The following HS6ST2 variants were observed in gnomAD, a reference collection of about 807,000 sequenced individuals.
HS6ST2 encodes heparan sulfate 6-O-sulfotransferase 2.
A neutral mutation model predicts 33.0 loss-of-function variants in HS6ST2; 17 were observed. The observed-to-expected ratio is 0.52, with a 90% confidence interval of 0.35 to 0.77. The LOEUF is 0.77. Among genes scored for constraint, HS6ST2 ranks in the 30% least tolerant of loss-of-function variants. The pLI is 0.01. For missense variants in HS6ST2, 519 were observed against 551.7 expected, an observed-to-expected ratio of 0.94 and a Z score of 0.59; for synonymous variants, 248 against 237.1, an observed-to-expected ratio of 1.05 and a Z score of -0.42.
At chrX:132,842,391 C>T (rs1336782467) in intron 2 of HS6ST2, among the ~76,000 whole-genome samples, 1 of 112,345 alleles carries the variant, frequency 8.9e-6, no homozygotes, top group Non-Finnish European at 1.9e-5. Context: ...AATCACCAAA[C>T]AGCTTGTGCG....
At chrX:132,736,821 C>A (rs1313029935) in intron 2 of HS6ST2, among the ~76,000 whole-genome samples, 1 of 111,786 alleles carries the variant, frequency 8.9e-6, no homozygotes, top group African/African-American at 3.3e-5. Flanking sequence ...TATATAAATA[C>A]GAGATTCCTC....
Position 132,628,453 on chromosome X carries a change from AAT to A in HS6ST2, c.1706_1707del (p.His569LeufsTer59). On this transcript the variant is annotated frameshift_variant, in exon 5 of 5. Transcript: ENST00000370833. LOFTEE classifies it high-confidence loss of function. ...CTCTGGCCCTGACCCTGGCTCTGGA[AAT>A]GGGTCTGAAGGAGCCTTCCCTTCAG... ...KFLKGRLLQT[H>X]FQSQGQGQSQ... 9.1e-6 allele frequency: 11 copies of A among 1,210,124 alleles called. No individual in the cohort carries two copies. The highest frequency in any genetic ancestry group is 1.2e-5 in the Non-Finnish European group (11 of 894,728).
At position 132,752,585 on chromosome X, in the gene HS6ST2, T is replaced by C. The variant is rs191449897; in HGVS notation, c.948-44091A>G. On this transcript the variant is annotated intron_variant, in intron 2 of 4. Transcript: ENST00000370833. Reference sequence around the variant, plus strand: ...TTCTCACGCAGACGCTGATCAGAAATGGGATGGTATGCTCTGTGAGTTAGT... The same window carrying C: ...TTCTCACGCAGACGCTGATCAGAAACGGGATGGTATGCTCTGTGAGTTAGT... 2.4e-4 allele frequency among the ~76,000 whole-genome samples: 27 copies of C among 111,127 alleles called. No homozygotes were observed. In the East Asian group the frequency reaches 7.1e-3, roughly 29 times the overall value.
chrX:132,857,591 C>T (rs778072114), intron 2 of HS6ST2, among the ~76,000 whole-genome samples: 2 of 110,493 alleles, frequency 1.8e-5, no homozygotes, highest in East Asian at 2.8e-4. Flanking sequence ...ATTAAAAGTA[C>T]GGAGGTTGAT....
chrX:132,672,311 G>C (rs1465099641), intron 3 of HS6ST2, among the ~76,000 whole-genome samples: 1 of 108,438 alleles, frequency 9.2e-6, no homozygotes, highest in Non-Finnish European at 1.9e-5. Context: ...ATTGGTGGGG[G>C]GGGGTGGGTG....
chrX:132,779,786 C>T (rs2065002460), intron 2 of HS6ST2, among the ~76,000 whole-genome samples: 1 of 109,940 alleles, frequency 9.1e-6, no homozygotes, highest in Non-Finnish European at 1.9e-5. Flanking sequence ...CCTGTTCCTC[C>T]CAATAACCCT....
chrX:132,859,215 G>T (rs1465966759), intron 2 of HS6ST2, among the ~76,000 whole-genome samples: 1 of 111,640 alleles, frequency 9.0e-6, no homozygotes, highest in African/African-American at 3.3e-5. Context: ...AGCTACCCAT[G>T]TAGCTATCTC....
upstream of HS6ST2, among the ~76,000 whole-genome samples, chrX:132,959,282 G>A (rs942292382): frequency 4.5e-5 from 5 of 112,244 alleles, no homozygotes; most frequent in Non-Finnish European, 9.4e-5. Context: ...TGCTGGACCA[G>A]GAATGCAGGG....
chrX:132,891,391 T>A (rs1432378916), intron 2 of HS6ST2, among the ~76,000 whole-genome samples: 2 of 104,507 alleles, frequency 1.9e-5, no homozygotes, highest in African/African-American at 7.1e-5. Flanking sequence ...TTTTTTTTTT[T>A]ATTATTATTC....
intron 2 of HS6ST2, among the ~76,000 whole-genome samples, chrX:132,767,913 C>CT (rs2064864107): frequency 9.0e-6 from 1 of 111,508 alleles, no homozygotes; most frequent in Non-Finnish European, 1.9e-5. Context: ...AAAACAACAC[C>CT]TGGCTCAACA....
intron 2 of HS6ST2, among the ~76,000 whole-genome samples, chrX:132,885,397 T>G (rs1193591594): frequency 9.0e-6 from 1 of 111,407 alleles, no homozygotes; most frequent in Non-Finnish European, 1.9e-5. Flanking sequence ...AGGTAAATTA[T>G]ATCTCAATAA....
chrX:132,628,294 C>T lies in HS6ST2; in HGVS notation c.1867G>A (p.Gly623Ser), dbSNP rs1484504416. ...ENRESPKQNS[G>S]KEQNDNTSNG... ...CTGGTGTTATCATTCTGCTCCTTGC[C>T]TGAGTTCTGCTTCGGGCTTTCCCGG... The change falls in exon 5 of 5, where the codon GGC becomes AGC. Residue 623 changes from glycine (G) to serine (S), a missense_variant. By Grantham distance (56) the Gly-to-Ser change is moderately conservative (BLOSUM62 0). Coordinates refer to ENST00000370833, the MANE Select transcript of HS6ST2 (RefSeq NM_001394073.1). 8.6e-7 allele frequency: 1 copy of T among 1,167,722 alleles called. No homozygotes were observed. Among genetic ancestry groups the T allele is most frequent in the Non-Finnish European group, 1.1e-6 (1 of 872,994 alleles).
At chrX:132,864,868 C>T (rs992791799) in intron 2 of HS6ST2, among the ~76,000 whole-genome samples, 5 of 111,386 alleles carry the variant, frequency 4.5e-5, no homozygotes, top group East Asian at 5.7e-4. Flanking sequence ...AGAAAGGTCG[C>T]GTTACCCATC....
intron 2 of HS6ST2, among the ~76,000 whole-genome samples, chrX:132,726,525 CCATGCAATT>C (rs1411612945): frequency 1.8e-5 from 2 of 111,912 alleles, no homozygotes; most frequent in African/African-American, 6.5e-5. Context: ...AACTCACATA[CCATGCAATT>C]CATCCAATTA....
At chrX:132,886,999 G>C (rs1466833927) in intron 2 of HS6ST2, among the ~76,000 whole-genome samples, 1 of 110,739 alleles carries the variant, frequency 9.0e-6, no homozygotes, top group African/African-American at 3.3e-5. Context: ...GCTGAGCGTA[G>C]TGGCACACAC....
rs563441802 is a variant in HS6ST2, at chrX:132,762,449, A to C, written c.948-53955T>G. 4.4e-3 allele frequency among the ~76,000 whole-genome samples: 499 copies of C among 112,585 alleles called. 2 individuals are homozygous for C. The highest frequency in any genetic ancestry group is 0.013 in the South Asian group (34 of 2,712). On this transcript the variant is annotated intron_variant, in intron 2 of 4. Transcript: ENST00000370833. ...GTAAACTTCAAATTACTTAATAGAC[A>C]GATTTTATTCAGATCCTTTTCAGAA...
chrX:132,939,192 T>C (rs1256239372), intron 2 of HS6ST2, among the ~76,000 whole-genome samples: 3 of 111,821 alleles, frequency 2.7e-5, no homozygotes, highest in Admixed American at 9.6e-5. Context: ...ACATTAGGGA[T>C]TACATTTCAA....
intron 2 of HS6ST2, among the ~76,000 whole-genome samples, chrX:132,943,433 A>G (rs773195569): frequency 9.0e-6 from 1 of 111,661 alleles, no homozygotes; most frequent in East Asian, 2.8e-4. Context: ...CAGACGTACA[A>G]AGAGGAGCTG....
At chrX:132,683,236 T>C (rs1204343108) in intron 3 of HS6ST2, among the ~76,000 whole-genome samples, 1 of 112,167 alleles carries the variant, frequency 8.9e-6, no homozygotes, top group East Asian at 2.8e-4. Flanking sequence ...TCATGTCCTT[T>C]ACAGCCTGCT....
Sources: gnomAD v4.1 joint callset for allele counts (sites outside exome capture counted in the v4.1 genomes callset) on GRCh38, gnomAD v4.1.1 for gene constraint, MANE v1.5 for transcripts, NCBI Gene and HGNC (gene_info 2026-07-23, HGNC 2026-07-21) for gene names.